The following SLC24A2 variants were observed in gnomAD, a reference collection of about 807,000 sequenced individuals.
SLC24A2 encodes the protein sodium/potassium/calcium exchanger 2.
Under a neutral mutation model 62.0 loss-of-function variants are expected in SLC24A2, and 36 were observed. That is an observed-to-expected ratio of 0.58 (90% CI 0.44 to 0.77). The LOEUF is 0.77. SLC24A2 is among the 30% of genes least tolerant of loss of function. The pLI is 0.00. For missense variants in SLC24A2, 846 were observed against 817.9 expected (o/e 1.03, Z -0.42); for synonymous variants, 358 against 294.0 (o/e 1.22, Z -2.23).
the SLC24A2 span, among the ~76,000 whole-genome samples, chr9:20,124,324 T>G: frequency 6.6e-6 from 1 of 151,756 alleles, no homozygotes; most frequent in Non-Finnish European, 1.5e-5. Flanking sequence ...AAAAAGAATC[T>G]GATTCTGTAC....
At chr9:20,192,643 C>A in the SLC24A2 span, among the ~76,000 whole-genome samples, 5 of 152,276 alleles carry the variant, frequency 3.3e-5, no homozygotes, top group East Asian at 9.7e-4. Context: ...TCATTATTAA[C>A]CTCAGCTGCA....
At chr9:20,232,922 G>T in the SLC24A2 span, among the ~76,000 whole-genome samples, 504 of 151,808 alleles carry the variant, frequency 3.3e-3, 1 homozygote, top group African/African-American at 0.011. Flanking sequence ...TCTGGTATGT[G>T]GTGTCTTTGT....
chr9:19,880,529 T>G, the SLC24A2 span, among the ~76,000 whole-genome samples: 15,328 of 152,212 alleles, frequency 0.1, 1,308 homozygotes, highest in African/African-American at 0.24. Context: ...TGGAATTTAG[T>G]TTATAAAGTC....
the SLC24A2 span, among the ~76,000 whole-genome samples, chr9:19,962,290 G>C: frequency 2.0e-5 from 3 of 152,206 alleles, no homozygotes; most frequent in Non-Finnish European, 2.9e-5. Context: ...TTTGAAGTCA[G>C]GTAGCGTGAT....
At chr9:20,055,533 G>A in the SLC24A2 span, among the ~76,000 whole-genome samples, 20 of 152,082 alleles carry the variant, frequency 1.3e-4, no homozygotes, top group African/African-American at 4.8e-4. Context: ...CTGAGCCACA[G>A]TAAGATTAAG....
chr9:19,888,754 G>A, the SLC24A2 span, among the ~76,000 whole-genome samples: 14,100 of 152,108 alleles, frequency 0.093, 2,017 homozygotes, highest in African/African-American at 0.31. Flanking sequence ...GTGTCTAGTC[G>A]TGGCCTGAAG....
the SLC24A2 span, among the ~76,000 whole-genome samples, chr9:20,231,803 G>C: frequency 2.1e-5 from 3 of 144,004 alleles, no homozygotes; most frequent in African/African-American, 8.5e-5. Context: ...GGGCATCCCT[G>C]TCTTGTGCCC....
chr9:19,889,462 T>C, the SLC24A2 span, among the ~76,000 whole-genome samples: 1 of 130,126 alleles, frequency 7.7e-6, no homozygotes, highest in Non-Finnish European at 1.6e-5. Flanking sequence ...TAATCCTTAG[T>C]AGTTCCAAAA....
At chr9:20,242,646 C>T in the SLC24A2 span, among the ~76,000 whole-genome samples, 1 of 152,212 alleles carries the variant, frequency 6.6e-6, no homozygotes, top group African/African-American at 2.4e-5. Context: ...CTCTCACCAG[C>T]TCTGACTCCG....
the SLC24A2 span, among the ~76,000 whole-genome samples, chr9:19,867,557 G>T: frequency 6.6e-6 from 1 of 151,922 alleles, no homozygotes; most frequent in Admixed American, 6.5e-5. Flanking sequence ...TTGGTAATTT[G>T]GTCCTTCCTC....
At chr9:20,170,864 G>T in the SLC24A2 span, among the ~76,000 whole-genome samples, 1 of 152,016 alleles carries the variant, frequency 6.6e-6, no homozygotes, top group African/African-American at 2.4e-5. Context: ...GAAGCTCAAA[G>T]AACACCCAGG....
chr9:19,657,809 A>G (rs1055467242), intron 2 of SLC24A2, among the ~76,000 whole-genome samples: 1 of 152,034 alleles, frequency 6.6e-6, no homozygotes, highest in Admixed American at 6.6e-5. Context: ...CCCACTGCAG[A>G]CTTGGACTCC....
chr9:19,527,070 C>G (rs1261122490), intron 9 of SLC24A2, among the ~76,000 whole-genome samples: 1 of 152,012 alleles, frequency 6.6e-6, no homozygotes. Context: ...TATGGAAATC[C>G]AATTATTCCA....
At chr9:20,022,404 A>G in the SLC24A2 span, among the ~76,000 whole-genome samples, 1 of 152,252 alleles carries the variant, frequency 6.6e-6, no homozygotes, top group East Asian at 1.9e-4. Context: ...TTGATAAATT[A>G]AAGGACTAAG....
intron 8 of SLC24A2, among the ~76,000 whole-genome samples, chr9:19,540,390 G>A (rs1324173931): frequency 6.2e-5 from 9 of 145,788 alleles, no homozygotes; most frequent in Non-Finnish European, 9.0e-5. Flanking sequence ...AGCTCTTTTA[G>A]GGCAGGCCTG....
chr9:19,870,779 T>A, the SLC24A2 span, among the ~76,000 whole-genome samples: 22 of 152,314 alleles, frequency 1.4e-4, no homozygotes, highest in East Asian at 3.3e-3. Flanking sequence ...TATTTTCCTG[T>A]ATTTATTGGC....
chr9:20,085,789 G>C, the SLC24A2 span, among the ~76,000 whole-genome samples: 1 of 152,112 alleles, frequency 6.6e-6, no homozygotes, highest in Non-Finnish European at 1.5e-5. Context: ...ATATGCTTTT[G>C]CTCAGACATA....
chr9:19,861,968 C>T, the SLC24A2 span, among the ~76,000 whole-genome samples: 1 of 151,888 alleles, frequency 6.6e-6, no homozygotes, highest in African/African-American at 2.4e-5. Flanking sequence ...TTCAAAAGGG[C>T]AAATTGAAGA....
At chr9:20,078,741 G>A in the SLC24A2 span, among the ~76,000 whole-genome samples, 8 of 152,160 alleles carry the variant, frequency 5.3e-5, no homozygotes, top group South Asian at 4.1e-4. Flanking sequence ...CCAGGTTGCC[G>A]TAACCTAAAG....
Sources: gnomAD v4.1 joint callset for allele counts (sites outside exome capture counted in the v4.1 genomes callset) on GRCh38, gnomAD v4.1.1 for gene constraint, MANE v1.5 for transcripts, NCBI Gene and HGNC (gene_info 2026-07-23, HGNC 2026-07-21) for gene names.